The following SHISA9 variants were observed in gnomAD, a reference collection of about 807,000 sequenced individuals.
SHISA9 encodes the protein shisa family member 9, also known as protein shisa-9.
SHISA9 carries 13 observed loss-of-function variants against 38.0 expected under a neutral mutation model. The observed-to-expected ratio is 0.34, with a 90% CI of 0.22 to 0.54. The LOEUF (loss-of-function observed/expected upper bound fraction) is 0.54, where lower values mean the gene tolerates loss of function less well. Among genes scored for constraint, SHISA9 ranks in the 20% least tolerant of loss-of-function variants. The pLI is 0.91. For synonymous variants in SHISA9, 275 were observed against 242.0 expected, an observed-to-expected ratio of 1.14 and a Z score of -1.27; for missense variants, 538 against 575.8, an observed-to-expected ratio of 0.93 and a Z score of 0.67.
At chr16:13,201,383 A>G (rs1319493914) in intron 2 of SHISA9, among the ~76,000 whole-genome samples, 1 of 136,316 alleles carries the variant, frequency 7.3e-6, no homozygotes, top group Non-Finnish European at 1.6e-5. Context: ...CACAGATGTT[A>G]TGTAAATAGT....
the SHISA9 span, among the ~76,000 whole-genome samples, chr16:13,445,026 A>C: frequency 2.6e-5 from 3 of 116,796 alleles, no homozygotes; most frequent in African/African-American, 1.0e-4. Flanking sequence ...ATATATATAT[A>C]TATGTTGTAT....
chr16:12,975,179 G>A (rs552885942), intron 2 of SHISA9, among the ~76,000 whole-genome samples: 4 of 152,268 alleles, frequency 2.6e-5, no homozygotes, highest in African/African-American at 9.6e-5. Context: ...TGTACCCAGT[G>A]GAAGAGGGGC....
At chr16:12,952,382 G>C (rs766800343) in intron 2 of SHISA9, among the ~76,000 whole-genome samples, 2 of 152,200 alleles carry the variant, frequency 1.3e-5, no homozygotes, top group South Asian at 2.1e-4. Context: ...TTCAGCTGAC[G>C]TGTGGTTGAG....
chr16:13,293,776 T>C, the SHISA9 span, among the ~76,000 whole-genome samples: 1 of 152,206 alleles, frequency 6.6e-6, no homozygotes, highest in Non-Finnish European at 1.5e-5. Context: ...CATTCTGTCA[T>C]TGCACAGCCA....
At chr16:13,017,253 C>T (rs1442772975) in intron 2 of SHISA9, among the ~76,000 whole-genome samples, 1 of 152,110 alleles carries the variant, frequency 6.6e-6, no homozygotes, top group East Asian at 1.9e-4. Flanking sequence ...CTCCTGACCT[C>T]AGGTGATCCG....
At chr16:13,524,108 A>T in the SHISA9 span, among the ~76,000 whole-genome samples, 1 of 152,144 alleles carries the variant, frequency 6.6e-6, no homozygotes, top group East Asian at 1.9e-4. Context: ...CCATTATGCT[A>T]TACTGCCTTA....
At chr16:13,108,932 A>G (rs1479903941) in intron 2 of SHISA9, among the ~76,000 whole-genome samples, 2 of 152,194 alleles carry the variant, frequency 1.3e-5, no homozygotes, top group African/African-American at 2.4e-5. Flanking sequence ...GCTGAGCAGC[A>G]TCATGTGAAA....
Position 12,975,457 on chromosome 16 carries a change from T to G in SHISA9, c.691+58642T>G, listed in dbSNP as rs560105319. On this transcript the variant is annotated intron_variant, in intron 2 of 4. Transcript: ENST00000558583. ...GGTGGAGGTTGCAGTGAGCTGAGAT[T>G]GCGCCACTGCACTCCAGCCCGGGCA... Among the ~76,000 whole-genome samples the G allele has an allele frequency of 3.0e-3, 461 of 152,040 alleles. 3 individuals are homozygous for G. The highest frequency in any genetic ancestry group is 0.01 in the African/African-American group (431 of 41,454).
the SHISA9 span, among the ~76,000 whole-genome samples, chr16:13,517,994 G>A: frequency 3.3e-5 from 5 of 152,086 alleles, no homozygotes; most frequent in African/African-American, 4.8e-5. Context: ...CCTTATTGCC[G>A]GGTTGCTGAG....
the SHISA9 span, among the ~76,000 whole-genome samples, chr16:13,436,459 T>C: frequency 0.76 from 115,703 of 152,170 alleles, 44,154 homozygotes; most frequent in Admixed American, 0.84. Context: ...CAGGAATCCC[T>C]CAGCCCTTTC....
the SHISA9 span, among the ~76,000 whole-genome samples, chr16:13,418,205 T>G: frequency 6.6e-6 from 1 of 151,546 alleles, no homozygotes. Context: ...GCAGGATCTT[T>G]GAAGAAAAAA....
At chr16:13,495,473 C>T in the SHISA9 span, among the ~76,000 whole-genome samples, 1 of 151,828 alleles carries the variant, frequency 6.6e-6, no homozygotes, top group African/African-American at 2.4e-5. Flanking sequence ...GAAAGAAATC[C>T]AAATTTTGAC....
At chr16:13,052,904 G>C (rs2141900886) in intron 2 of SHISA9, among the ~76,000 whole-genome samples, 1 of 150,562 alleles carries the variant, frequency 6.6e-6, no homozygotes, top group East Asian at 2.0e-4. Flanking sequence ...AATTACTCAA[G>C]TTGGCACAGC....
chr16:13,253,903 T>A, the SHISA9 span, among the ~76,000 whole-genome samples: 1 of 152,192 alleles, frequency 6.6e-6, no homozygotes, highest in Non-Finnish European at 1.5e-5. Flanking sequence ...TACTGAAGGT[T>A]ACTTTTTTTT....
the SHISA9 span, among the ~76,000 whole-genome samples, chr16:13,513,203 G>C: frequency 1.3e-5 from 2 of 152,192 alleles, no homozygotes; most frequent in Non-Finnish European, 2.9e-5. Flanking sequence ...CAAAGGATAT[G>C]AAAAGACACT....
intron 2 of SHISA9, among the ~76,000 whole-genome samples, chr16:13,062,202 T>C (rs987528732): frequency 6.8e-6 from 1 of 147,836 alleles, no homozygotes; most frequent in Non-Finnish European, 1.5e-5. Context: ...AAAAAAAAAA[T>C]CCATTGTTTA....
At chr16:13,443,317 G>A in the SHISA9 span, among the ~76,000 whole-genome samples, 1 of 152,168 alleles carries the variant, frequency 6.6e-6, no homozygotes, top group Non-Finnish European at 1.5e-5. Context: ...TTTGGGAGAG[G>A]ATGTCATATA....
chr16:13,205,939 T>TC (rs2051059554), intron 3 of SHISA9, among the ~76,000 whole-genome samples: 1 of 151,680 alleles, frequency 6.6e-6, no homozygotes, highest in African/African-American at 2.4e-5. Flanking sequence ...TTTTTTTTTT[T>TC]TTTTTTAAGT....
intron 4 of SHISA9, among the ~76,000 whole-genome samples, chr16:13,230,333 G>A (rs546504777): frequency 6.7e-6 from 1 of 149,496 alleles, no homozygotes; most frequent in East Asian, 1.9e-4. Context: ...GGTGAAACAA[G>A]GCAAGGAGGC....
Sources: allele counts gnomAD v4.1 joint callset (sites outside exome capture counted in the v4.1 genomes callset), GRCh38; gene constraint gnomAD v4.1.1; transcripts MANE v1.5; gene names NCBI Gene and HGNC (gene_info 2026-07-23, HGNC 2026-07-21).